Variants in WDPCP observed in about 807,000 individuals in gnomAD.
WDPCP encodes the protein WD repeat containing planar cell polarity effector.
Under a neutral mutation model 93.1 loss-of-function variants are expected in WDPCP, and 71 were observed. That is an observed-to-expected ratio of 0.76 (90% CI 0.63 to 0.93). The LOEUF is 0.93. WDPCP is among the 40% of genes least tolerant of loss of function. WDPCP has a pLI of 0.00. For missense variants in WDPCP, 844 were observed against 887.4 expected (o/e 0.95, Z 0.62); for synonymous variants, 315 against 315.0 (o/e 1.00, Z 0.00).
intron 1 of WDPCP, among the ~76,000 whole-genome samples, chr2:63,546,160 T>G (rs937488393): frequency 1.3e-5 from 2 of 152,170 alleles, no homozygotes; most frequent in African/African-American, 4.8e-5. Flanking sequence ...AATTAGCTCC[T>G]CTGATCAGCA....
At chr2:63,834,391 CCT>C in the WDPCP span, among the ~76,000 whole-genome samples, 1 of 152,190 alleles carries the variant, frequency 6.6e-6, no homozygotes, top group South Asian at 2.1e-4. Flanking sequence ...TTGAGAATGG[CCT>C]CTGTCTTTCT....
intron 1 of WDPCP, among the ~76,000 whole-genome samples, chr2:63,551,110 T>C (rs1408470424): frequency 6.6e-6 from 1 of 152,198 alleles, no homozygotes; most frequent in East Asian, 1.9e-4. Flanking sequence ...TTCTCTGAAA[T>C]ATCAGCATTT....
rs1696949148 is a variant in WDPCP at position 63,433,904 on chromosome 2, G to A, written c.666C>T (p.Asn222=). 6.2e-7 allele frequency: 1 copy of A among 1,613,742 alleles called. No individual in the cohort carries two copies. Among genetic ancestry groups the A allele is most frequent in the African/African-American group, 1.3e-5 (1 of 74,870 alleles). ...TAGCTAGATGTCGCTCTGTTGTCTT[G>A]TTTATTGGGCCGGGTATTTCATAAT... ...IFYYEIPGPI[N]KTTERHLAIN... Residue 222 remains asparagine (N), a synonymous_variant, in exon 9 of 18, where the codon AAC becomes AAT. Transcript: ENST00000272321.
At chr2:63,562,525 A>G (rs74800630) in intron 1 of WDPCP, among the ~76,000 whole-genome samples, 6,984 of 152,260 alleles carry the variant, frequency 0.046, 190 homozygotes, top group South Asian at 0.071. Flanking sequence ...AACTTTAAAA[A>G]TAATAAAATT....
At chr2:63,777,716 C>G (rs1386249597) in intron 2 of WDPCP, among the ~76,000 whole-genome samples, 1 of 152,084 alleles carries the variant, frequency 6.6e-6, no homozygotes, top group East Asian at 1.9e-4. Context: ...TGAATACAAA[C>G]TGTTCTATAG....
intron 6 of WDPCP, among the ~76,000 whole-genome samples, chr2:63,465,479 A>G (rs986310342): frequency 6.6e-6 from 1 of 152,196 alleles, no homozygotes; most frequent in Non-Finnish European, 1.5e-5. Flanking sequence ...ATTCTTTCTC[A>G]GTTCACAGTA....
chr2:63,248,811 T>TAA (rs1196276488), intron 14 of WDPCP, among the ~76,000 whole-genome samples: 2 of 152,142 alleles, frequency 1.3e-5, no homozygotes, highest in Admixed American at 1.3e-4. Context: ...ACTTCTCTAG[T>TAA]AAATTTTTAA....
At chr2:63,229,653 G>A (rs998336610) in intron 14 of WDPCP, 1 of 151,556 alleles carries the variant, frequency 6.6e-6, no homozygotes, top group African/African-American at 2.4e-5. Context: ...TCTACATATG[G>A]CTAGCCAGTT....
intron 6 of WDPCP, among the ~76,000 whole-genome samples, chr2:63,470,364 T>A (rs1437159447): frequency 6.6e-6 from 1 of 152,212 alleles, no homozygotes; most frequent in Admixed American, 6.6e-5. Context: ...ATGTCCAAAA[T>A]TGAACTTCTG....
chr2:63,429,896 T>G (rs1408865341), intron 9 of WDPCP, among the ~76,000 whole-genome samples: 1 of 151,776 alleles, frequency 6.6e-6, no homozygotes, highest in Non-Finnish European at 1.5e-5. Flanking sequence ...GTAAATTCAC[T>G]GCAGTGCTAT....
chr2:63,422,064 A>G (rs1279503913), intron 9 of WDPCP, among the ~76,000 whole-genome samples: 1 of 152,238 alleles, frequency 6.6e-6, no homozygotes, highest in East Asian at 1.9e-4. Flanking sequence ...ACCTAGAAAC[A>G]ATAATCAACC....
At chr2:63,768,791 G>C (rs1245435002) in intron 2 of WDPCP, among the ~76,000 whole-genome samples, 1 of 152,024 alleles carries the variant, frequency 6.6e-6, no homozygotes, top group East Asian at 1.9e-4. Flanking sequence ...TATCATACAG[G>C]AGAGGAATTA....
intron 1 of WDPCP, among the ~76,000 whole-genome samples, chr2:63,543,083 A>G (rs1334063309): frequency 1.3e-5 from 2 of 152,196 alleles, no homozygotes; most frequent in African/African-American, 4.8e-5. Flanking sequence ...ACATAAATCT[A>G]GATTTCCAAA....
At chr2:63,246,439 C>T (rs946725788) in intron 14 of WDPCP, among the ~76,000 whole-genome samples, 5 of 152,120 alleles carry the variant, frequency 3.3e-5, no homozygotes, top group African/African-American at 1.2e-4. Context: ...ATGTATTTTC[C>T]CCCAAGTGTG....
In WDPCP at chr2:63,161,537, T is replaced by C. The variant is rs145193892; in HGVS notation, c.2079-7963A>G. 1.1e-4 allele frequency among the ~76,000 whole-genome samples: 17 copies of C among 152,314 alleles called. No homozygotes were observed. The East Asian group carries it at 2.9e-3, about 26-fold the overall frequency. On this transcript the variant is annotated intron_variant, in intron 15 of 17. Transcript: ENST00000272321. The stretch of plus-strand genomic sequence containing the variant: ...AAACACACACTTCAATATTTCATTA[T>C]TCACTAACAAAGCTGCAGGAGGTCC...
At chr2:63,405,581 G>GTGTGTGTGTGTGTGTGTGTC (rs1415564153) in intron 9 of WDPCP, among the ~76,000 whole-genome samples, 29 of 136,374 alleles carry the variant, frequency 2.1e-4, no homozygotes, top group African/African-American at 7.2e-4. Context: ...GTGTGTGTGT[G>GTGTGTGTGTGTGTGTGTGTC]TGTGTTGGCG....
chr2:63,614,114 C>T (rs1709647593), intron 3 of WDPCP, among the ~76,000 whole-genome samples: 2 of 152,136 alleles, frequency 1.3e-5, no homozygotes, highest in Non-Finnish European at 2.9e-5. Context: ...AGTTTTGTTC[C>T]AGAACAATGT....
Position 63,259,362 on chromosome 2 carries a change from T to G in WDPCP, c.1860A>C (p.Glu620Asp), listed in dbSNP as rs1188297055. 1.9e-6 allele frequency: 3 copies of G among 1,612,592 alleles called. No homozygotes were observed. Among genetic ancestry groups the G allele is most frequent in the Non-Finnish European group, 2.5e-6 (3 of 1,179,586 alleles). ...ALDKGELALAEVARKRASDID... is the reference protein window; with the variant it reads ...ALDKGELALADVARKRASDID... The stretch of plus-strand genomic sequence containing the variant: ...TGTCACTAGCTCTTTTTCTTGCCAC[T>G]TCAGCTAGTGCCAATTCACCTTTAT... The change falls in exon 14 of 18, where the codon GAA (glutamate) becomes GAC (aspartate). Residue 620 changes from glutamate (E) to aspartate (D), a missense_variant. Glu to Asp is a conservative substitution (Grantham distance 45). Coordinates refer to ENST00000272321, the MANE Select transcript of WDPCP (RefSeq NM_015910.7).
chr2:63,404,751 G>A, intron 9 of WDPCP, 94 bp from the exon 10 acceptor site: 1 of 1,495,520 alleles, frequency 6.7e-7, no homozygotes, highest in Non-Finnish European at 9.2e-7. Context: ...ACCTATTAAA[G>A]AAAATCAATT....
Sources: allele counts gnomAD v4.1 joint callset (sites outside exome capture counted in the v4.1 genomes callset), GRCh38; gene constraint gnomAD v4.1.1; transcripts MANE v1.5; gene names NCBI Gene and HGNC (gene_info 2026-07-23, HGNC 2026-07-21).